Variants in CDH23 observed in about 807,000 individuals in gnomAD.
CDH23 encodes the protein cadherin related 23.
In CDH23, 189 loss-of-function variants were observed where a neutral mutation model predicts 317.1. That is an observed-to-expected ratio of 0.60 (90% CI 0.53 to 0.67). The LOEUF is 0.67. CDH23 is among the 30% of genes least tolerant of loss of function. The pLI is 0.00. For missense variants in CDH23, 4,401 were observed against 4,592.4 expected (o/e 0.96, Z 1.20); for synonymous variants, 1,839 against 1,876.8 (o/e 0.98, Z 0.52).
rs1173041587 is a variant in CDH23 at position 71,778,266 on chromosome 10, C to T, written c.5145C>T (p.Asp1715=). 6.2e-7 allele frequency: 1 copy of T among 1,613,986 alleles called. No homozygotes were observed. Among genetic ancestry groups the T allele is most frequent in the South Asian group, 1.1e-5 (1 of 91,082 alleles). ...GRYTLIVTAT[D]QCPILSHRLT... is the part of the protein sequence containing the mutation. ...ACACCCTGATCGTCACTGCCACAGA[C>T]CAGTGCCCCATCTTATCCCACCGCC... Residue 1715 remains aspartate (D), a synonymous_variant, in exon 40 of 70, where the codon GAC becomes GAT. Coordinates refer to ENST00000224721, the MANE Select transcript of CDH23 (RefSeq NM_022124.6).
At chr10:71,653,859 G>T (rs962413742) in intron 14 of CDH23, among the ~76,000 whole-genome samples, 1 of 152,208 alleles carries the variant, frequency 6.6e-6, no homozygotes, top group Admixed American at 6.5e-5. Context: ...AAAGCACTTT[G>T]TGTATTAGAA....
At chr10:71,753,651 C>A (rs1438226795) in intron 38 of CDH23, among the ~76,000 whole-genome samples, 2 of 152,306 alleles carry the variant, frequency 1.3e-5, no homozygotes, top group Admixed American at 1.3e-4. Flanking sequence ...ACCCCACCCC[C>A]CAAACTGGCC....
chr10:71,535,356 C>T (rs763116673), intron 6 of CDH23, among the ~76,000 whole-genome samples: 19 of 152,348 alleles, frequency 1.2e-4, no homozygotes, highest in Non-Finnish European at 2.2e-4. Context: ...CGTGGCCCCT[C>T]CTGCCTTTCC....
Position 71,799,181 on chromosome 10 carries a change from A to G in CDH23, c.7125A>G (p.Ser2375=). The G allele has an allele frequency of 6.2e-7, 1 of 1,614,066 alleles. No homozygotes were observed. The highest frequency in any genetic ancestry group is 8.5e-7 in the Non-Finnish European group (1 of 1,179,902). The change falls in exon 51 of 70, where the codon TCA becomes TCG. Residue 2375 remains serine, a synonymous_variant. Coordinates refer to ENST00000224721, the MANE Select transcript of CDH23 (RefSeq NM_022124.6). ...VHWLNFTVRA[S]DNGSPPRAAE... Reference sequence around the variant, plus strand: ...GGCTCAACTTTACCGTGAGGGCCTCAGACAACGGGTCCCCGCCCCGGGCAG... The same window carrying G: ...GGCTCAACTTTACCGTGAGGGCCTCGGACAACGGGTCCCCGCCCCGGGCAG...
chr10:71,526,737 T>C (rs1234838972), intron 6 of CDH23, among the ~76,000 whole-genome samples: 1 of 152,196 alleles, frequency 6.6e-6, no homozygotes, highest in South Asian at 2.1e-4. Flanking sequence ...GGAGACTGCA[T>C]GCGTCACTCG....
At chr10:71,645,553 G>A in intron 12 of CDH23, 4 of 613,936 alleles carry the variant, frequency 6.5e-6, no homozygotes, top group South Asian at 1.5e-5. Flanking sequence ...GCAGGAAATG[G>A]AGAGTGAACC....
intron 1 of CDH23, among the ~76,000 whole-genome samples, chr10:71,426,464 A>C (rs1294142441): frequency 6.6e-6 from 1 of 152,080 alleles, no homozygotes; most frequent in Non-Finnish European, 1.5e-5. Context: ...GCTGGCTGGC[A>C]CAGGTTGGCT....
In CDH23 at chr10:71,815,044, GGGGCCC is replaced by G; in HGVS notation, c.9833_9838del (p.Gly3278_Pro3279del). On this transcript the variant is annotated inframe_deletion, in exon 70 of 70. Transcript: ENST00000224721. ...GCCACAAGCCACCAGTGGAGCTCAAGGGGCCCGATGGGATCCATGTGGTGCACGGCA... is the reference window on the plus strand; with the variant it reads ...GCCACAAGCCACCAGTGGAGCTCAAGGATGGGATCCATGTGGTGCACGGCA... The G allele has an allele frequency of 2.5e-6, 4 of 1,612,528 alleles. No homozygotes were observed. In the South Asian group the frequency reaches 4.4e-5, roughly 18 times the overall value.
At chr10:71,660,802 T>C in intron 14 of CDH23, among the ~76,000 whole-genome samples, 1 of 152,174 alleles carries the variant, frequency 6.6e-6, no homozygotes, top group East Asian at 1.9e-4. Context: ...CTTTTGGAAG[T>C]GTGGGTGGTG....
At chr10:71,548,129 C>A (rs1167569284) in intron 6 of CDH23, among the ~76,000 whole-genome samples, 2 of 152,168 alleles carry the variant, frequency 1.3e-5, no homozygotes, top group African/African-American at 4.8e-5. Flanking sequence ...GAAATGAGCA[C>A]TGGGGCAGCG....
At chr10:71,708,175 C>A (rs558966229) in intron 26 of CDH23, among the ~76,000 whole-genome samples, 60 of 152,278 alleles carry the variant, frequency 3.9e-4, no homozygotes, top group African/African-American at 1.4e-3. Context: ...CACTGGGGAG[C>A]ACTGGAGGTT....
intron 2 of CDH23, among the ~76,000 whole-genome samples, chr10:71,443,543 C>A (rs7096823): frequency 2.0e-5 from 3 of 152,100 alleles, no homozygotes; most frequent in Admixed American, 6.5e-5. Flanking sequence ...CATGCCCTCC[C>A]GGTCTGCCTT....
At chr10:71,596,283 A>G (rs540285199) in intron 9 of CDH23, among the ~76,000 whole-genome samples, 1 of 152,276 alleles carries the variant, frequency 6.6e-6, no homozygotes, top group Admixed American at 6.5e-5. Context: ...CACTATCAAT[A>G]TCCCCATTTC....
chr10:71,493,316 A>C (rs1852771264), intron 3 of CDH23, among the ~76,000 whole-genome samples: 1 of 152,128 alleles, frequency 6.6e-6, no homozygotes, highest in African/African-American at 2.4e-5. Context: ...GGTGACTTGC[A>C]AGCTGGCAGG....
chr10:71,811,165 G>A, intron 62 of CDH23, 150 bp from the exon 63 acceptor site: 2 of 1,070,930 alleles, frequency 1.9e-6, no homozygotes, highest in Admixed American at 2.1e-5. Flanking sequence ...GAGGAACCTT[G>A]TAAAACACAA....
intron 14 of CDH23, among the ~76,000 whole-genome samples, chr10:71,653,951 G>A (rs527319613): frequency 1.4e-3 from 208 of 152,296 alleles, no homozygotes; most frequent in African/African-American, 4.8e-3. Context: ...GGGTCTCTTG[G>A]TTCCTAGATT....
intron 38 of CDH23, among the ~76,000 whole-genome samples, chr10:71,764,629 G>T (rs1840483784): frequency 6.6e-6 from 1 of 152,122 alleles, no homozygotes; most frequent in African/African-American, 2.4e-5. Flanking sequence ...AGCAGCTTTT[G>T]GGGGGCACCG....
chr10:71,627,819 C>T (rs1163556951), intron 11 of CDH23, among the ~76,000 whole-genome samples: 1 of 152,220 alleles, frequency 6.6e-6, no homozygotes, highest in African/African-American at 2.4e-5. Context: ...TCATTTTACC[C>T]ATGGAGTCAT....
chr10:71,530,034 G>GACACAC (rs57652121), intron 6 of CDH23, among the ~76,000 whole-genome samples: 9,783 of 140,830 alleles, frequency 0.069, 539 homozygotes, highest in African/African-American at 0.14. Context: ...CACACATACA[G>GACACAC]ACACACACAC....
Sources: gnomAD v4.1 joint callset for allele counts (sites outside exome capture counted in the v4.1 genomes callset) on GRCh38, gnomAD v4.1.1 for gene constraint, MANE v1.5 for transcripts, NCBI Gene and HGNC (gene_info 2026-07-23, HGNC 2026-07-21) for gene names.